The following CHIC1 variants were observed in gnomAD, a reference collection of about 807,000 sequenced individuals.
CHIC1 encodes the protein cysteine rich hydrophobic domain 1, also known as cysteine-rich hydrophobic domain-containing protein 1.
Under a neutral mutation model 18.5 loss-of-function variants are expected in CHIC1, and 7 were observed. The observed-to-expected ratio is 0.38, with a 90% confidence interval of 0.22 to 0.71. CHIC1 has a LOEUF of 0.71. Ranked by LOEUF, CHIC1 falls within the 30% of genes least tolerant of loss-of-function variation. The pLI is 0.49. For missense variants in CHIC1, 159 were observed against 176.9 expected (o/e 0.90, Z 0.57); for synonymous variants, 77 against 73.5 (o/e 1.05, Z -0.25).
intron 3 of CHIC1, among the ~76,000 whole-genome samples, chrX:73,619,503 G>A (rs1185160957): frequency 1.8e-5 from 2 of 110,560 alleles, no homozygotes; most frequent in Non-Finnish European, 3.8e-5. Context: ...TGGTGAAAGT[G>A]ATTTTCCCTA....
At chrX:73,644,709 G>C (rs1047770754) in intron 3 of CHIC1, among the ~76,000 whole-genome samples, 5 of 112,537 alleles carry the variant, frequency 4.4e-5, no homozygotes, top group African/African-American at 6.5e-5. Flanking sequence ...ATCTCCAGGT[G>C]TGCTCTTTTT....
intron 3 of CHIC1, among the ~76,000 whole-genome samples, chrX:73,598,923 G>A (rs1248973997): frequency 9.3e-6 from 1 of 107,620 alleles, no homozygotes; most frequent in Non-Finnish European, 1.9e-5. Context: ...TTCCACAATG[G>A]TTGAACTAGT....
intron 3 of CHIC1, among the ~76,000 whole-genome samples, chrX:73,675,454 C>G (rs1487394974): frequency 8.9e-6 from 1 of 111,998 alleles, no homozygotes; most frequent in Non-Finnish European, 1.9e-5. Context: ...GTTAGCTCTT[C>G]TTGTTGAATT....
At chrX:73,644,267 G>A (rs749615165) in intron 3 of CHIC1, among the ~76,000 whole-genome samples, 22 of 111,942 alleles carry the variant, frequency 2.0e-4, no homozygotes, top group Admixed American at 3.8e-4. Flanking sequence ...AGGAGTACCC[G>A]GCCATGTGAG....
chrX:73,633,239 C>T lies in CHIC1; in HGVS notation c.508-46087C>T, dbSNP rs142116782. Among the ~76,000 whole-genome samples, 84 of 108,105 alleles carry T rather than the reference C, an allele frequency of 7.8e-4. 1 individual carries two copies. The East Asian group carries it at 0.023, about 30-fold the overall frequency. The allele number at this position is 108,105 out of a possible 115,157, so 93.9% of individuals were successfully genotyped here. ...ACTTACATCCCTCCCCCCACTGCCC[C>T]CCCACATTTGTGTAGAAATCTCTTT... On this transcript the variant is annotated intron_variant, in intron 3 of 5. Coordinates refer to ENST00000373502, the MANE Select transcript of CHIC1 (RefSeq NM_001039840.4).
chrX:73,630,406 G>A (rs1302459579), intron 3 of CHIC1, among the ~76,000 whole-genome samples: 2 of 111,015 alleles, frequency 1.8e-5, no homozygotes, highest in African/African-American at 6.5e-5. Context: ...TTATTATATT[G>A]AGTATATTTT....
intron 3 of CHIC1, among the ~76,000 whole-genome samples, chrX:73,597,608 C>T (rs1435194812): frequency 2.8e-5 from 3 of 105,965 alleles, no homozygotes; most frequent in African/African-American, 1.0e-4. Flanking sequence ...TATATATACA[C>T]ACACACACAC....
chrX:73,675,934 C>T (rs1277820503), intron 3 of CHIC1, among the ~76,000 whole-genome samples: 2 of 110,396 alleles, frequency 1.8e-5, no homozygotes, highest in East Asian at 5.7e-4. Flanking sequence ...CTGGTGGTGA[C>T]AAAATCTCTC....
intron 3 of CHIC1, among the ~76,000 whole-genome samples, chrX:73,677,339 C>T (rs1228572286): frequency 1.8e-5 from 2 of 112,193 alleles, no homozygotes; most frequent in African/African-American, 3.2e-5. Flanking sequence ...AGGTGGAGCC[C>T]ACAGAGGCAG....
chrX:73,680,661 A>C lies in CHIC1; in HGVS notation c.625-294A>C, dbSNP rs187753283. 4.3e-4 allele frequency among the ~76,000 whole-genome samples: 48 copies of C among 111,176 alleles called. No individual in the cohort carries two copies. In the East Asian group the frequency reaches 0.013, roughly 30 times the overall value. On this transcript the variant is annotated intron_variant, in intron 5 of 5. Transcript: ENST00000373502. ...GGGTGTGGGGGAAAAACATAATATAATTTAATGGAGTTTGCTCCTGTTAAC... is the reference window on the plus strand; with the variant it reads ...GGGTGTGGGGGAAAAACATAATATACTTTAATGGAGTTTGCTCCTGTTAAC...
chrX:73,660,502 C>T (rs147650392), intron 3 of CHIC1, among the ~76,000 whole-genome samples: 4,480 of 111,813 alleles, frequency 0.04, 116 homozygotes, highest in Non-Finnish European at 0.064. Context: ...TAATACCCTA[C>T]GCGAGTTGCA....
chrX:73,569,676 C>A (rs2057460871), intron 1 of CHIC1, among the ~76,000 whole-genome samples: 2 of 111,177 alleles, frequency 1.8e-5, no homozygotes, highest in South Asian at 7.6e-4. Context: ...TCAGCAGCAG[C>A]CATTTCAACA....
intron 1 of CHIC1, among the ~76,000 whole-genome samples, chrX:73,574,568 T>C (rs2057487518): frequency 1.8e-5 from 2 of 110,235 alleles, no homozygotes; most frequent in African/African-American, 3.3e-5. Flanking sequence ...GAGCTTTTTT[T>C]GGTTGGTTGG....
chrX:73,662,946 C>T (rs1249322370), intron 3 of CHIC1, among the ~76,000 whole-genome samples: 1 of 111,989 alleles, frequency 8.9e-6, no homozygotes. Flanking sequence ...TAGGACTGTT[C>T]AGCATTCCTT....
At chrX:73,572,743 A>T (rs1406152975) in intron 1 of CHIC1, among the ~76,000 whole-genome samples, 1 of 111,122 alleles carries the variant, frequency 9.0e-6, no homozygotes, top group Non-Finnish European at 1.9e-5. Flanking sequence ...GGCCACTTAC[A>T]TGTGTTTTTT....
chrX:73,576,140 G>A (rs2057497710), intron 1 of CHIC1, among the ~76,000 whole-genome samples: 2 of 109,306 alleles, frequency 1.8e-5, no homozygotes, highest in African/African-American at 6.6e-5. Context: ...TGTGATAACA[G>A]TACCTTCTAG....
At chrX:73,564,858 G>A (rs904181859) in intron 1 of CHIC1, among the ~76,000 whole-genome samples, 12 of 97,201 alleles carry the variant, frequency 1.2e-4, no homozygotes, top group African/African-American at 4.6e-4. Context: ...GTGCAGTGGC[G>A]CAATCTTGGC....
chrX:73,660,990 C>T (rs1391648986), intron 3 of CHIC1, among the ~76,000 whole-genome samples: 1 of 111,612 alleles, frequency 9.0e-6, no homozygotes, highest in Non-Finnish European at 1.9e-5. Flanking sequence ...AGGGTCCTTA[C>T]TCATAGTCCT....
intron 3 of CHIC1, among the ~76,000 whole-genome samples, chrX:73,668,664 G>A (rs2058015909): frequency 9.0e-6 from 1 of 111,369 alleles, no homozygotes; most frequent in Admixed American, 9.6e-5. Flanking sequence ...TCTCATACCT[G>A]GAGGTATCAC....
Sources: allele counts gnomAD v4.1 joint callset (sites outside exome capture counted in the v4.1 genomes callset), GRCh38; gene constraint gnomAD v4.1.1; transcripts MANE v1.5; gene names NCBI Gene and HGNC (gene_info 2026-07-23, HGNC 2026-07-21).